Variants in CIB1 observed in about 807,000 individuals in gnomAD.
CIB1 encodes calcium and integrin-binding protein 1.
Under a neutral mutation model 25.0 loss-of-function variants are expected in CIB1, and 19 were observed. That is an observed-to-expected ratio of 0.76 (90% confidence interval 0.53 to 1.12). The LOEUF is 1.12. Among genes scored for constraint, CIB1 ranks in the 50% most tolerant of loss-of-function variants. The pLI is 0.00. For missense variants in CIB1, 236 were observed against 242.6 expected, an observed-to-expected ratio of 0.97 and a Z score of 0.18; for synonymous variants, 104 against 98.5, an observed-to-expected ratio of 1.06 and a Z score of -0.33.
chr15:90,262,908 G>T, the CIB1 span: 323,757 of 1,491,896 alleles, frequency 0.22, 35,819 homozygotes, highest in Non-Finnish European at 0.23. Context: ...GCCATCCTGG[G>T]TGATGGTTTG....
chr15:90,253,169 C>T, the CIB1 span: 1 of 1,190,196 alleles, frequency 8.4e-7, no homozygotes. Flanking sequence ...CAGGTGTATA[C>T]CTTACCTGAC....
chr15:90,243,375 T>C, the CIB1 span: 1 of 141,836 alleles, frequency 7.1e-6, no homozygotes, highest in Non-Finnish European at 1.5e-5. Context: ...TCTTTTTTTG[T>C]TTTGTTTTTT....
At chr15:90,234,778 C>T (rs1270626007), upstream of CIB1, among the ~76,000 whole-genome samples, 1 of 152,204 alleles carries the variant, frequency 6.6e-6, no homozygotes, top group Non-Finnish European at 1.5e-5. Context: ...CCCTAGACTG[C>T]TGACCCTTTG....
Position 90,230,916 on chromosome 15 carries a change from G to A in CIB1, c.554+18C>T, listed in dbSNP as rs1962464225. On this transcript the variant is annotated intron_variant, in intron 6 of 6. Transcript: ENST00000328649. ...GGAACCTGCAGGTACCCAGAATGAA[G>A]GGGGACCACTGTCATACCTGGCAAA... 5 of 1,604,354 alleles carry A rather than the reference G, an allele frequency of 3.1e-6. No individual in the cohort carries two copies. The highest frequency in any genetic ancestry group is 4.3e-6 in the Non-Finnish European group (5 of 1,171,314).
the CIB1 span, among the ~76,000 whole-genome samples, chr15:90,254,861 A>T: frequency 6.6e-6 from 1 of 152,188 alleles, no homozygotes; most frequent in Non-Finnish European, 1.5e-5. Flanking sequence ...AGGGGGAAAA[A>T]AAAAGGATAA....
the CIB1 span, chr15:90,257,834 C>A: frequency 9.0e-7 from 1 of 1,109,234 alleles, no homozygotes; most frequent in Non-Finnish European, 1.3e-6. Context: ...GAAACTCAGC[C>A]TTTATAGACC....
the CIB1 span, chr15:90,265,653 T>A: frequency 1.3e-6 from 2 of 1,599,176 alleles, no homozygotes; most frequent in Non-Finnish European, 1.7e-6. Flanking sequence ...ACTTCCGGTC[T>A]TACCCGGCTA....
chr15:90,248,613 G>A, the CIB1 span, among the ~76,000 whole-genome samples: 2 of 151,298 alleles, frequency 1.3e-5, no homozygotes, highest in African/African-American at 4.9e-5. Context: ...TACTTGGGAC[G>A]CTGAAGTGGG....
chr15:90,231,464 G>C lies in CIB1; in HGVS notation c.239C>G (p.Ser80Cys), dbSNP rs892648982. 6.2e-6 allele frequency: 10 copies of C among 1,614,230 alleles called. No homozygotes were observed. Among genetic ancestry groups the C allele is most frequent in the Non-Finnish European group, 8.5e-6 (10 of 1,180,036 alleles). Residue 80 changes from serine to cysteine, a missense_variant, in exon 4 of 7, where the codon TCC becomes TGC. Physicochemically the swap from Ser to Cys is moderately radical, Grantham distance 112. Transcript: ENST00000328649. Reference protein sequence around the residue: ...KERICRVFSTSPAKDSLSFED... With the variant: ...KERICRVFSTCPAKDSLSFED... Reference sequence around the variant, plus strand: ...AAAGCTAAGGCTGTCTTTGGCTGGGGATGTGGAGAAGACCCTGCAGATTCG... The same window carrying C: ...AAAGCTAAGGCTGTCTTTGGCTGGGCATGTGGAGAAGACCCTGCAGATTCG...
At chr15:90,233,535 C>G in intron 2 of CIB1, 134 bp downstream of exon 2, 1 of 1,162,058 alleles carries the variant, frequency 8.6e-7, no homozygotes, top group Non-Finnish European at 1.3e-6. Flanking sequence ...GCAGCCCGGG[C>G]TAGGTCTCCC....
chr15:90,239,337 G>T, the CIB1 span, among the ~76,000 whole-genome samples: 1 of 149,038 alleles, frequency 6.7e-6, no homozygotes, highest in South Asian at 2.1e-4. Flanking sequence ...GTGTGTGTGT[G>T]TGTATTAGTC....
the CIB1 span, chr15:90,258,158 C>CA: frequency 6.2e-7 from 1 of 1,614,258 alleles, no homozygotes; most frequent in South Asian, 1.1e-5. Flanking sequence ...TTCTACGCCA[C>CA]AACTACCGAA....
chr15:90,240,719 G>A, the CIB1 span, among the ~76,000 whole-genome samples: 4 of 147,910 alleles, frequency 2.7e-5, no homozygotes, highest in South Asian at 2.1e-4. Context: ...AGGCTGAGGC[G>A]GGAGAACCGC....
At chr15:90,240,338 C>G in the CIB1 span, among the ~76,000 whole-genome samples, 1 of 148,580 alleles carries the variant, frequency 6.7e-6, no homozygotes, top group Non-Finnish European at 1.5e-5. Context: ...TGAAACCCTG[C>G]CTCTACTAAA....
At chr15:90,258,816 C>G in the CIB1 span, 11 of 1,614,064 alleles carry the variant, frequency 6.8e-6, no homozygotes, top group Middle Eastern at 1.6e-4. Context: ...CTCTGTGATG[C>G]TATGACCCTT....
chr15:90,241,142 C>T, the CIB1 span: 1 of 1,614,174 alleles, frequency 6.2e-7, no homozygotes, highest in Non-Finnish European at 8.5e-7. Flanking sequence ...TGTTTCGCTA[C>T]CGTCTACGGG....
the CIB1 span, among the ~76,000 whole-genome samples, chr15:90,252,187 G>A: frequency 6.6e-6 from 1 of 152,096 alleles, no homozygotes; most frequent in South Asian, 2.1e-4. Context: ...TTACAGGCAT[G>A]TGCCACCACA....
At chr15:90,238,603 C>G (rs1179430264), upstream of CIB1, 1 of 152,226 alleles carries the variant, frequency 6.6e-6, no homozygotes, top group African/African-American at 2.4e-5. Context: ...CTCTCCCTGA[C>G]AGTGCTGGGT....
At position 90,231,226 on chromosome 15, in the gene CIB1, C is replaced by A; in HGVS notation, c.347-13G>T. On this transcript the variant is annotated splice_polypyrimidine_tract_variant and intron_variant, in intron 4 of 6. Coordinates refer to ENST00000328649, the MANE Select transcript of CIB1 (RefSeq NM_006384.4). Reference sequence around the variant, plus strand: ...TCATCATCAAAGTCTAGAGAGCAGACACAGGAAGCCAAAAGACACGGTTGG... The same window carrying A: ...TCATCATCAAAGTCTAGAGAGCAGAAACAGGAAGCCAAAAGACACGGTTGG... 1 of 1,613,476 alleles carries A rather than the reference C, an allele frequency of 6.2e-7. No individual in the cohort carries two copies. Among genetic ancestry groups the A allele is most frequent in the South Asian group, 1.1e-5 (1 of 91,070 alleles).
Sources: gnomAD v4.1 joint callset for allele counts (sites outside exome capture counted in the v4.1 genomes callset) on GRCh38, gnomAD v4.1.1 for gene constraint, MANE v1.5 for transcripts, NCBI Gene and HGNC (gene_info 2026-07-23, HGNC 2026-07-21) for gene names.